Variants in MAB21L3 observed in about 807,000 individuals in gnomAD.
The protein encoded by MAB21L3 is mab-21 like 3, also known as protein mab-21-like 3.
In MAB21L3, 36 loss-of-function variants were observed where a neutral mutation model predicts 37.7. The observed-to-expected ratio is 0.96, with a 90% CI of 0.73 to 1.26. The LOEUF (loss-of-function observed/expected upper bound fraction) is 1.26, where lower values mean the gene tolerates loss of function less well. MAB21L3 is among the 50% of genes most tolerant of loss of function. The pLI is 0.00. For synonymous variants in MAB21L3, 186 were observed against 176.8 expected, an observed-to-expected ratio of 1.05 and a Z score of -0.41; for missense variants, 430 against 447.3, an observed-to-expected ratio of 0.96 and a Z score of 0.35.
intron 3 of MAB21L3, among the ~76,000 whole-genome samples, chr1:116,117,650 A>G (rs1402432140): frequency 6.6e-6 from 1 of 152,114 alleles, no homozygotes. Context: ...AAGTCTTGAC[A>G]CTGTCTGGTT....
At chr1:116,127,371 G>A in intron 5 of MAB21L3, 95 bp from the exon 6 acceptor site, 1 of 1,233,628 alleles carries the variant, frequency 8.1e-7, no homozygotes, top group East Asian at 2.4e-5. Flanking sequence ...GTTGCAAGGT[G>A]CTGGTCAGAG....
In MAB21L3 at chr1:116,124,327, G is replaced by C. The variant is rs369650289; in HGVS notation, c.451G>C (p.Glu151Gln). Residue 151 changes from glutamate to glutamine, a missense_variant, in exon 5 of 8, where the codon GAA becomes CAA. By Grantham distance (29) the Glu-to-Gln change is conservative (BLOSUM62 2). Coordinates refer to ENST00000369500, the MANE Select transcript of MAB21L3 (RefSeq NM_152367.3). Reference sequence around the variant, plus strand: ...CCTCCTAGTGTTCCGGAAGCTGGTGGAAAATGCAGTTAGAACCTGTCACCT... The same window carrying C: ...CCTCCTAGTGTTCCGGAAGCTGGTGCAAAATGCAGTTAGAACCTGTCACCT... Reference protein sequence around the residue: ...KVLLVFRKLVENAVRTCHLSG... With the variant: ...KVLLVFRKLVQNAVRTCHLSG... 163 of 1,613,794 alleles carry C rather than the reference G, an allele frequency of 1.0e-4. 4 individuals carry two copies. In the South Asian group the frequency reaches 1.6e-3, roughly 16 times the overall value.
At chr1:116,127,031 A>T (rs78156788) in intron 5 of MAB21L3, among the ~76,000 whole-genome samples, 11,156 of 152,238 alleles carry the variant, frequency 0.073, 503 homozygotes, top group East Asian at 0.14. Context: ...TCGGTGTATT[A>T]ATACATTTTC....
At chr1:116,130,454 G>A (rs1434255694) in intron 7 of MAB21L3, among the ~76,000 whole-genome samples, 2 of 152,200 alleles carry the variant, frequency 1.3e-5, no homozygotes, top group Non-Finnish European at 2.9e-5. Flanking sequence ...TCCATCCTTA[G>A]TCCACAGACA....
chr1:116,135,674 A>G lies in MAB21L3; in HGVS notation c.*2309A>G, dbSNP rs1186619323. 1.3e-5 allele frequency among the ~76,000 whole-genome samples: 2 copies of G among 152,214 alleles called. No homozygotes were observed. Among genetic ancestry groups the G allele is most frequent in the African/African-American group, 2.4e-5 (1 of 41,446 alleles). ...ACCAAAGCCGGGCAGAGACACAACTAAAAAAGAGAATTTTAGACCAATATC... is the reference window on the plus strand; with the variant it reads ...ACCAAAGCCGGGCAGAGACACAACTGAAAAAGAGAATTTTAGACCAATATC... On this transcript the variant is annotated 3_prime_UTR_variant, in exon 8 of 8. Transcript: ENST00000369500.
intron 3 of MAB21L3, among the ~76,000 whole-genome samples, chr1:116,114,947 C>T (rs1659546449): frequency 6.6e-6 from 1 of 152,156 alleles, no homozygotes; most frequent in Non-Finnish European, 1.5e-5. Context: ...GCTAAGGGAA[C>T]CCCGTTCAAA....
At chr1:116,122,601 C>T (rs1207844927) in intron 4 of MAB21L3, among the ~76,000 whole-genome samples, 1 of 152,174 alleles carries the variant, frequency 6.6e-6, no homozygotes, top group Non-Finnish European at 1.5e-5. Flanking sequence ...CATTCTGTCA[C>T]CCAGGCCGGA....
chr1:116,116,903 T>C (rs1659601925), intron 3 of MAB21L3, among the ~76,000 whole-genome samples: 1 of 152,048 alleles, frequency 6.6e-6, no homozygotes, highest in Non-Finnish European at 1.5e-5. Flanking sequence ...AAGTGAGAGA[T>C]TATAGTTGTT....
rs1660169147 is a variant in MAB21L3, at chr1:116,134,878, A to T, written c.*1513A>T. On this transcript the variant is annotated 3_prime_UTR_variant, in exon 8 of 8. Transcript: ENST00000369500. ...CGTTTATGTAATGCTTCTCAACTCA[A>T]GGGGCTCCTTTATTACTTTTGAATG... The T allele has an allele frequency of 6.6e-6, 1 of 152,072 alleles. No homozygotes were observed. Among genetic ancestry groups the T allele is most frequent in the Admixed American group, 6.6e-5 (1 of 15,264 alleles). 9.4% of individuals were successfully genotyped at this position (152,072 alleles called of 1,614,324 possible).
intron 3 of MAB21L3, among the ~76,000 whole-genome samples, chr1:116,118,054 T>C (rs1659641774): frequency 6.6e-6 from 1 of 151,836 alleles, no homozygotes; most frequent in Non-Finnish European, 1.5e-5. Context: ...AAAAAAAAAC[T>C]GTTCGCATCC....
rs138078627 is a variant in MAB21L3, at chr1:116,134,101, AG to A, written c.*737del. 12,658 of 152,606 alleles carry A rather than the reference AG, an allele frequency of 0.083. 607 individuals carry two copies. Among genetic ancestry groups the A allele is most frequent in the East Asian group, 0.14 (707 of 5,178 alleles). 9.5% of individuals were successfully genotyped at this position (152,606 alleles called of 1,614,324 possible). A position where few individuals can be genotyped will look rare whatever the true frequency, so the allele number is the denominator to read the frequency against. ...GGTTTTGATGATAAGTGTAAGTCAA[AG>A]ATGAAAGTACAACTCTTGGCCTGAT... On this transcript the variant is annotated 3_prime_UTR_variant, in exon 8 of 8. Transcript: ENST00000369500.
At chr1:116,128,486 C>A in intron 7 of MAB21L3, 147 bp downstream of exon 7, 1 of 717,626 alleles carries the variant, frequency 1.4e-6, no homozygotes, top group Non-Finnish European at 2.2e-6. Flanking sequence ...CTATATTTGC[C>A]ATCCAACAAA....
intron 3 of MAB21L3, among the ~76,000 whole-genome samples, chr1:116,118,053 C>A (rs1659641731): frequency 2.0e-5 from 3 of 151,858 alleles, no homozygotes; most frequent in Admixed American, 2.0e-4. Flanking sequence ...AAAAAAAAAA[C>A]TGTTCGCATC....
rs1360237981 is a variant in MAB21L3 at position 116,124,267 on chromosome 1, G to A, written c.391G>A (p.Val131Met). 3 of 1,614,104 alleles carry A rather than the reference G, an allele frequency of 1.9e-6. No individual in the cohort carries two copies. Among genetic ancestry groups the A allele is most frequent in the Non-Finnish European group, 2.5e-6 (3 of 1,180,054 alleles). ...KSLWQWHETD[V>M]NIDGDIVPAK... Reference sequence around the variant, plus strand: ...CCTGTGGCAGTGGCATGAGACAGATGTGAACATCGACGGAGACATTGTGCC... The same window carrying A: ...CCTGTGGCAGTGGCATGAGACAGATATGAACATCGACGGAGACATTGTGCC... Residue 131 changes from valine to methionine, a missense_variant, in exon 5 of 8, where the codon GTG becomes ATG. Physicochemically the swap from Val to Met is conservative, Grantham distance 21 (BLOSUM62 1). Transcript: ENST00000369500.
chr1:116,127,688 C>A, intron 6 of MAB21L3, 44 bp downstream of exon 6: 1 of 1,555,902 alleles, frequency 6.4e-7, no homozygotes, highest in South Asian at 1.2e-5. Flanking sequence ...GTGATGCCAA[C>A]AGCTTAACCA....
At chr1:116,123,984 C>A in intron 4 of MAB21L3, 82 bp from the exon 5 acceptor site, 1 of 1,429,892 alleles carries the variant, frequency 7.0e-7, no homozygotes, top group Non-Finnish European at 9.5e-7. Context: ...AGCTGCCTGA[C>A]GAGACAGGTT....
intron 3 of MAB21L3, among the ~76,000 whole-genome samples, chr1:116,120,424 C>G (rs56262839): frequency 7.7e-4 from 95 of 123,400 alleles, no homozygotes; most frequent in African/African-American, 2.9e-3. Flanking sequence ...CACACACACA[C>G]ACACACAAAC....
Position 116,127,482 on chromosome 1 carries a change from A to T in MAB21L3, c.498A>T (p.Leu166=), listed in dbSNP as rs771920549. 1 of 1,613,918 alleles carries T rather than the reference A, an allele frequency of 6.2e-7. No homozygotes were observed. The highest frequency in any genetic ancestry group is 1.3e-5 in the African/African-American group (1 of 75,054). ...TCHLSGKVSL[L]GNRSAVWVAV... Reference sequence around the variant, plus strand: ...TCCCACCAGGTAAGGTCAGCCTGCTAGGAAACCGCTCTGCAGTTTGGGTTG... The same window carrying T: ...TCCCACCAGGTAAGGTCAGCCTGCTTGGAAACCGCTCTGCAGTTTGGGTTG... The change falls in exon 6 of 8, where the codon CTA becomes CTT. Residue 166 remains leucine, a synonymous_variant. Transcript: ENST00000369500.
chr1:116,117,782 A>G (rs567264718), intron 3 of MAB21L3, among the ~76,000 whole-genome samples: 1 of 152,276 alleles, frequency 6.6e-6, no homozygotes, highest in Admixed American at 6.5e-5. Flanking sequence ...CACTCTATAA[A>G]GAACATAGAC....
Sources: allele counts gnomAD v4.1 joint callset (sites outside exome capture counted in the v4.1 genomes callset), GRCh38; gene constraint gnomAD v4.1.1; transcripts MANE v1.5; gene names NCBI Gene and HGNC (gene_info 2026-07-23, HGNC 2026-07-21).